Variants in ACBD6 observed in about 807,000 individuals in gnomAD.
The protein encoded by ACBD6 is acyl-CoA binding domain containing 6.
Under a neutral mutation model 37.2 loss-of-function variants are expected in ACBD6, and 28 were observed. That is an observed-to-expected ratio of 0.75 (90% CI 0.56 to 1.03). ACBD6 has a LOEUF of 1.03. ACBD6 is among the 50% of genes least tolerant of loss of function. The pLI, the probability that ACBD6 is intolerant of heterozygous loss-of-function variation, is 0.00. For synonymous variants in ACBD6, 113 were observed against 126.8 expected (o/e 0.89, Z 0.73); for missense variants, 340 against 337.4 (o/e 1.01, Z -0.06).
chr1:180,399,072 T>G (rs912745909), intron 5 of ACBD6, among the ~76,000 whole-genome samples: 6 of 152,046 alleles, frequency 3.9e-5, no homozygotes, highest in South Asian at 2.1e-4. Context: ...ACAAATTGTC[T>G]TCTTCTTTTG....
At chr1:180,295,948 G>GA (rs1301865329) in intron 7 of ACBD6, among the ~76,000 whole-genome samples, 2 of 152,064 alleles carry the variant, frequency 1.3e-5, no homozygotes, top group African/African-American at 2.4e-5. Flanking sequence ...TCAAAAGCTA[G>GA]AAATGATTAA....
chr1:180,311,170 T>C (rs1270369734), intron 7 of ACBD6, among the ~76,000 whole-genome samples: 1 of 152,194 alleles, frequency 6.6e-6, no homozygotes, highest in African/African-American at 2.4e-5. Flanking sequence ...GAGAGTTCCC[T>C]AAGATTAGGA....
intron 3 of ACBD6, among the ~76,000 whole-genome samples, chr1:180,440,532 G>A (rs926392219): frequency 6.6e-6 from 1 of 152,044 alleles, no homozygotes; most frequent in Non-Finnish European, 1.5e-5. Context: ...GCAACCAACT[G>A]CATCTAGTTC....
At chr1:180,325,580 A>AGTTT (rs77675384) in intron 6 of ACBD6, among the ~76,000 whole-genome samples, 19,629 of 151,968 alleles carry the variant, frequency 0.13, 2,077 homozygotes, top group African/African-American at 0.29. Context: ...TGTCTTATTT[A>AGTTT]GTTTGGTGAG....
chr1:180,493,336 T>A (rs1651599809), intron 2 of ACBD6, among the ~76,000 whole-genome samples: 1 of 144,396 alleles, frequency 6.9e-6, no homozygotes. Flanking sequence ...ACAATATAAA[T>A]GGCAAAAGCA....
intron 7 of ACBD6, among the ~76,000 whole-genome samples, chr1:180,290,865 C>G (rs911312653): frequency 3.9e-5 from 6 of 152,118 alleles, no homozygotes; most frequent in African/African-American, 1.4e-4. Context: ...TTATCTAGGG[C>G]CTTGAATCGG....
chr1:180,358,049 T>A (rs1457274424), intron 6 of ACBD6, among the ~76,000 whole-genome samples: 1 of 152,142 alleles, frequency 6.6e-6, no homozygotes, highest in Non-Finnish European at 1.5e-5. Context: ...AAAAGAAAAA[T>A]TCCTTGAAAG....
intron 6 of ACBD6, among the ~76,000 whole-genome samples, chr1:180,339,889 C>G (rs1219565008): frequency 6.6e-6 from 1 of 151,508 alleles, no homozygotes; most frequent in Admixed American, 6.6e-5. Flanking sequence ...GGAGGTAGGG[C>G]AGATTGGGTA....
At chr1:180,339,718 A>G (rs6664944) in intron 6 of ACBD6, among the ~76,000 whole-genome samples, 132,318 of 152,008 alleles carry the variant, frequency 0.87, 58,436 homozygotes, top group East Asian at 0.98. Flanking sequence ...TTGAGTATCA[A>G]CTACGTGTTA....
intron 7 of ACBD6, among the ~76,000 whole-genome samples, chr1:180,301,332 A>G (rs1203104345): frequency 1.3e-5 from 2 of 152,190 alleles, no homozygotes; most frequent in African/African-American, 2.4e-5. Flanking sequence ...TGACTCTCCA[A>G]AAACTTAACT....
chr1:180,327,685 C>G (rs1651306540), intron 6 of ACBD6, among the ~76,000 whole-genome samples: 1 of 152,010 alleles, frequency 6.6e-6, no homozygotes, highest in African/African-American at 2.4e-5. Context: ...TTACTTAAAC[C>G]CTTTAGAAGA....
At chr1:180,418,366 G>A (rs900769422) in intron 4 of ACBD6, among the ~76,000 whole-genome samples, 3 of 151,778 alleles carry the variant, frequency 2.0e-5, no homozygotes, top group Admixed American at 1.3e-4. Flanking sequence ...TCACTTGAGC[G>A]CAGGAGTTTG....
intron 5 of ACBD6, among the ~76,000 whole-genome samples, chr1:180,406,620 ATAATG>A (rs545810858): frequency 6.7e-4 from 102 of 152,280 alleles, no homozygotes; most frequent in Non-Finnish European, 1.2e-3. Flanking sequence ...CTATCAGTGA[ATAATG>A]TATTTATTTC....
chr1:180,292,829 C>T (rs1280967310), intron 7 of ACBD6, among the ~76,000 whole-genome samples: 1 of 152,198 alleles, frequency 6.6e-6, no homozygotes, highest in Non-Finnish European at 1.5e-5. Flanking sequence ...TTCAGCCTTT[C>T]ATCATCAAGG....
chr1:180,439,238 A>T (rs1649181680), intron 3 of ACBD6, among the ~76,000 whole-genome samples: 1 of 152,124 alleles, frequency 6.6e-6, no homozygotes, highest in Non-Finnish European at 1.5e-5. Context: ...TTGACTCTTT[A>T]CCGTAAATGG....
intron 6 of ACBD6, among the ~76,000 whole-genome samples, chr1:180,337,739 G>A (rs1212505011): frequency 6.6e-6 from 1 of 152,206 alleles, no homozygotes; most frequent in Non-Finnish European, 1.5e-5. Context: ...TGACATGATT[G>A]TATATCTAGA....
chr1:180,493,996 T>A (rs1651627815), intron 2 of ACBD6, among the ~76,000 whole-genome samples: 1 of 152,200 alleles, frequency 6.6e-6, no homozygotes, highest in Non-Finnish European at 1.5e-5. Context: ...TGCATCACAC[T>A]GGGGGCACGT....
chr1:180,471,383 C>T (rs1010303909), intron 3 of ACBD6, among the ~76,000 whole-genome samples: 2 of 138,692 alleles, frequency 1.4e-5, no homozygotes, highest in African/African-American at 5.5e-5. Context: ...GCCTGGGCAA[C>T]ACAGAGTGAG....
At chr1:180,434,746 C>T (rs1329723995) in intron 3 of ACBD6, 9 of 570,992 alleles carry the variant, frequency 1.6e-5, no homozygotes, top group Non-Finnish European at 2.9e-5. Context: ...AGTAAAACTA[C>T]CTCAACAGGC....
Sources: allele counts gnomAD v4.1 joint callset (sites outside exome capture counted in the v4.1 genomes callset), GRCh38; gene constraint gnomAD v4.1.1; transcripts MANE v1.5; gene names NCBI Gene and HGNC (gene_info 2026-07-23, HGNC 2026-07-21).